The following MCMDC2 variants were observed in gnomAD, a reference collection of about 807,000 sequenced individuals.
MCMDC2 encodes minichromosome maintenance domain containing 2.
MCMDC2 carries 54 observed loss-of-function variants against 75.8 expected under a neutral mutation model. That is an observed-to-expected ratio of 0.71 (90% CI 0.57 to 0.89). MCMDC2 has a LOEUF of 0.89. Ranked by LOEUF, MCMDC2 falls within the 40% of genes least tolerant of loss-of-function variation. The pLI, the probability that MCMDC2 is intolerant of heterozygous loss-of-function variation, is 0.00. For missense variants in MCMDC2, 656 were observed against 780.4 expected (o/e 0.84, Z 1.90); for synonymous variants, 249 against 274.6 (o/e 0.91, Z 0.92).
At position 66,874,166 on chromosome 8, in the gene MCMDC2, C is replaced by T. The variant is rs149667553; in HGVS notation, c.26C>T (p.Ala9Val). The stretch of plus-strand genomic sequence containing the variant: ...ATGTCAAATCTAAAAATGAAAGAGG[C>T]GGCCCTCATCTATCTTGACAGAAGT... Reference protein sequence around the residue: MSNLKMKEAALIYLDRSGG... With the variant: MSNLKMKEVALIYLDRSGG... The change falls in exon 2 of 15, where the codon GCG (alanine) becomes GTG (valine). Residue 9 changes from alanine to valine, a missense_variant. Transcript: ENST00000422365. 3.4e-5 allele frequency: 54 copies of T among 1,601,044 alleles called. No homozygotes were observed. The highest frequency in any genetic ancestry group is 3.2e-4 in the African/African-American group (24 of 74,264).
At chr8:66,879,712 A>C (rs748126342) in intron 7 of MCMDC2, among the ~76,000 whole-genome samples, 1 of 152,232 alleles carries the variant, frequency 6.6e-6, no homozygotes, top group Non-Finnish European at 1.5e-5. Context: ...TATTTAGTTA[A>C]TATTATCAAT....
rs1811423499 is a variant in MCMDC2 at position 66,878,822 on chromosome 8, A to G, written c.612A>G (p.Gln204=). The G allele has an allele frequency of 6.3e-7, 1 of 1,598,310 alleles. No individual in the cohort carries two copies. Among genetic ancestry groups the G allele is most frequent in the East Asian group, 2.2e-5 (1 of 44,522 alleles). The part of the protein sequence containing the change: ...DRKFRVLGDK[Q]IVEIIATKAL... ...TTTGCTCTTTGCTTTAAGATAAACA[A>G]ATAGTTGAAATAATTGCCACAAAGG... is the stretch of plus-strand genomic sequence containing the variant. Residue 204 remains glutamine, a synonymous_variant, in exon 7 of 15, where the codon CAA becomes CAG. Transcript: ENST00000422365.
Position 66,901,208 on chromosome 8 carries a change from A to G in MCMDC2, c.1629A>G (p.Leu543=), listed in dbSNP as rs746702189. The change falls in exon 13 of 15, where the codon CTA becomes CTG. Residue 543 remains leucine, a splice_region_variant and synonymous_variant. Coordinates refer to ENST00000422365, the MANE Select transcript of MCMDC2 (RefSeq NM_173518.5). ...CTTGGATTTTTCACACTTTTTAGCTATTGGCTTTTGCAAAGAATTTGAATG... is the reference window on the plus strand; with the variant it reads ...CTTGGATTTTTCACACTTTTTAGCTGTTGGCTTTTGCAAAGAATTTGAATG... ...RQFTTEDFEK[L]LAFAKNLNVE... 2 of 1,612,516 alleles carry G rather than the reference A, an allele frequency of 1.2e-6. No individual in the cohort carries two copies. Among genetic ancestry groups the G allele is most frequent in the South Asian group, 2.2e-5 (2 of 90,672 alleles).
intron 14 of MCMDC2, among the ~76,000 whole-genome samples, chr8:66,918,107 G>A (rs1813388414): frequency 6.6e-6 from 1 of 152,254 alleles, no homozygotes; most frequent in Non-Finnish European, 1.5e-5. Context: ...ATAGGTGTGA[G>A]GTAGTAGCTC....
At chr8:66,884,787 T>A (rs574297210) in intron 9 of MCMDC2, among the ~76,000 whole-genome samples, 2 of 152,008 alleles carry the variant, frequency 1.3e-5, no homozygotes, top group Admixed American at 6.6e-5. Flanking sequence ...TTGTTATCAT[T>A]ATTTTTTGAG....
At position 66,875,199 on chromosome 8, in the gene MCMDC2, T is replaced by C. The variant is rs140153576; in HGVS notation, c.285+613T>C. Among the ~76,000 whole-genome samples the C allele has an allele frequency of 7.4e-3, 1,120 of 152,376 alleles. 17 individuals are homozygous for C. The highest frequency in any genetic ancestry group is 0.025 in the African/African-American group (1,022 of 41,592). On this transcript the variant is annotated intron_variant, in intron 4 of 14. Coordinates refer to ENST00000422365, the MANE Select transcript of MCMDC2 (RefSeq NM_173518.5). ...CCTGCATCATCAATTTTTTTCTAAA[T>C]TATTTTAAAGCAAATCCCAGATATT...
At chr8:66,914,349 A>G (rs1191091386) in intron 14 of MCMDC2, among the ~76,000 whole-genome samples, 1 of 151,880 alleles carries the variant, frequency 6.6e-6, no homozygotes, top group Admixed American at 6.6e-5. Context: ...GATCGATGCT[A>G]TGAAGAAAAT....
intron 9 of MCMDC2, 117 bp downstream of exon 9, chr8:66,884,111 T>C (rs1385473639): frequency 7.7e-6 from 5 of 652,078 alleles, no homozygotes; most frequent in Non-Finnish European, 1.3e-5. Flanking sequence ...AGTATAAGTA[T>C]TTAAATCAAT....
intron 10 of MCMDC2, among the ~76,000 whole-genome samples, chr8:66,893,592 T>C (rs909233994): frequency 2.0e-5 from 3 of 152,168 alleles, no homozygotes; most frequent in Non-Finnish European, 4.4e-5. Flanking sequence ...GTGAGACTTA[T>C]TCATTATCAT....
chr8:66,901,386 G>A lies in MCMDC2; in HGVS notation c.1769+38G>A, dbSNP rs574250033. ...TTCAAGATTTTAAAATCAGCATTGA[G>A]TTTCAAATGATATGTTTAATTAAAT... On this transcript the variant is annotated intron_variant, in intron 13 of 14. Coordinates refer to ENST00000422365, the MANE Select transcript of MCMDC2 (RefSeq NM_173518.5). 5.7e-6 allele frequency: 9 copies of A among 1,580,840 alleles called. No individual in the cohort carries two copies. The African/African-American group carries it at 1.1e-4, about 19-fold the overall frequency.
At position 66,874,583 on chromosome 8, in the gene MCMDC2, G is replaced by T. The variant is rs138140068; in HGVS notation, c.282G>T (p.Thr94=). The change falls in exon 4 of 15, where the codon ACG becomes ACT. Residue 94 remains threonine (T), a synonymous_variant. Coordinates refer to ENST00000422365, the MANE Select transcript of MCMDC2 (RefSeq NM_173518.5). ...TAATTGGACAATTGCAGACTGAAAC[G>T]CAAGTAAGTTTTAGTTACATTTAAG... ...LSLIGQLQTE[T]QINIVLKLTH... 9 of 1,611,148 alleles carry T rather than the reference G, an allele frequency of 5.6e-6. No individual in the cohort carries two copies. The African/African-American group carries it at 1.2e-4, about 22-fold the overall frequency.
Position 66,921,635 on chromosome 8 carries a change from C to CT in MCMDC2, c.*2472dup, listed in dbSNP as rs546566590. 4 of 152,170 alleles carry CT rather than the reference C, an allele frequency of 2.6e-5. No individual in the cohort carries two copies. Among genetic ancestry groups the CT allele is most frequent in the African/African-American group, 4.8e-5 (2 of 41,426 alleles). 9.4% of individuals were successfully genotyped at this position (152,170 alleles called of 1,614,324 possible). A position where few individuals can be genotyped will look rare whatever the true frequency, so the allele number is the denominator to read the frequency against. On this transcript the variant is annotated 3_prime_UTR_variant, in exon 15 of 15. Transcript: ENST00000422365. ...ATTACATGTACTAGTATTAGGATGA[C>CT]TTTTTTGTTCACAAAGATGAAAGCA...
intron 12 of MCMDC2, among the ~76,000 whole-genome samples, chr8:66,898,350 G>A (rs1451331015): frequency 4.6e-5 from 7 of 152,162 alleles, no homozygotes; most frequent in African/African-American, 1.4e-4. Context: ...TATAGGCCAG[G>A]CAAGGTGGCT....
chr8:66,879,757 A>T (rs1374865167), intron 7 of MCMDC2, among the ~76,000 whole-genome samples: 1 of 152,244 alleles, frequency 6.6e-6, no homozygotes, highest in Non-Finnish European at 1.5e-5. Flanking sequence ...ACTTAAAATG[A>T]TATTAGGACC....
intron 13 of MCMDC2, 77 bp downstream of exon 13, chr8:66,901,425 A>G (rs1812655057): frequency 6.5e-7 from 1 of 1,527,808 alleles, no homozygotes; most frequent in African/African-American, 1.4e-5. Flanking sequence ...TAATTTACCT[A>G]TTTCACTTGT....
At chr8:66,918,758 G>A (rs1035937360) in intron 14 of MCMDC2, among the ~76,000 whole-genome samples, 8 of 152,036 alleles carry the variant, frequency 5.3e-5, no homozygotes, top group East Asian at 3.9e-4. Context: ...GTACCAATGC[G>A]TGTGCACTTA....
intron 13 of MCMDC2, among the ~76,000 whole-genome samples, chr8:66,903,807 A>G (rs947060084): frequency 3.3e-5 from 5 of 152,138 alleles, no homozygotes; most frequent in Non-Finnish European, 7.4e-5. Flanking sequence ...CCCGGTCAAC[A>G]TTTTTAGAAG....
At chr8:66,890,842 A>G (rs376205900) in intron 9 of MCMDC2, 23 bp from the exon 10 acceptor site, 398 of 1,578,654 alleles carry the variant, frequency 2.5e-4, no homozygotes, top group Non-Finnish European at 3.4e-4. Context: ...AATAGTAATG[A>G]AAAGTTTATT....
downstream of MCMDC2, among the ~76,000 whole-genome samples, chr8:66,923,184 G>A (rs552028990): frequency 5.9e-5 from 9 of 152,256 alleles, no homozygotes; most frequent in African/African-American, 2.2e-4. Context: ...AAAAACTAAC[G>A]TGAAGACCTT....
Sources: allele counts gnomAD v4.1 joint callset (sites outside exome capture counted in the v4.1 genomes callset), GRCh38; gene constraint gnomAD v4.1.1; transcripts MANE v1.5; gene names NCBI Gene and HGNC (gene_info 2026-07-23, HGNC 2026-07-21).